SLC44A5: variants seen among roughly 807,000 people sequenced by gnomAD.
SLC44A5 encodes solute carrier family 44 member 5, also known as choline transporter-like protein 5.
Under a neutral mutation model 101.8 loss-of-function variants are expected in SLC44A5, and 57 were observed. The ratio of observed to expected loss-of-function variants is 0.56; its 90% confidence interval spans 0.45 to 0.70. The LOEUF is 0.70. SLC44A5 is among the 30% of genes least tolerant of loss of function. The pLI, the probability that SLC44A5 is intolerant of heterozygous loss-of-function variation, is 0.00. For synonymous variants in SLC44A5, 281 were observed against 290.9 expected (o/e 0.97, Z 0.35); for missense variants, 737 against 853.1 (o/e 0.86, Z 1.70).
intron 2 of SLC44A5, among the ~76,000 whole-genome samples, chr1:75,404,811 G>T (rs1662738424): frequency 6.6e-6 from 1 of 152,136 alleles, no homozygotes; most frequent in Non-Finnish European, 1.5e-5. Context: ...TAACTAGCTA[G>T]CATCAAAATG....
At chr1:75,564,221 GA>G (rs1236440925) in intron 1 of SLC44A5, among the ~76,000 whole-genome samples, 1 of 152,180 alleles carries the variant, frequency 6.6e-6, no homozygotes, top group Non-Finnish European at 1.5e-5. Context: ...TAAACCCAAA[GA>G]AGCAGTTTAC....
chr1:75,482,487 C>T (rs1667928876), intron 2 of SLC44A5, among the ~76,000 whole-genome samples: 1 of 151,900 alleles, frequency 6.6e-6, no homozygotes. Context: ...TACACATTGG[C>T]TATTTGTATT....
intron 3 of SLC44A5, among the ~76,000 whole-genome samples, chr1:75,376,225 G>C (rs1019810138): frequency 6.6e-6 from 1 of 152,226 alleles, no homozygotes; most frequent in Non-Finnish European, 1.5e-5. Context: ...ACAGCAGTCT[G>C]AGATCAAACT....
chr1:75,281,512 C>T (rs1652552054), intron 5 of SLC44A5, among the ~76,000 whole-genome samples: 2 of 151,946 alleles, frequency 1.3e-5, no homozygotes, highest in South Asian at 4.2e-4. Flanking sequence ...ATCAAGCAGC[C>T]AGATGTTAAC....
In SLC44A5 at chr1:75,587,910, A is replaced by ACT. The variant is rs796127911; in HGVS notation, c.-70+23128_-70+23129dup. 6.6e-3 allele frequency among the ~76,000 whole-genome samples: 987 copies of ACT among 150,562 alleles called. 11 individuals carry two copies. Among genetic ancestry groups the ACT allele is most frequent in the African/African-American group, 0.023 (937 of 41,046 alleles). ...GGCACTCGCAGGTTCCCCTGCTCTC[A>ACT]CTCTCTCTCTCTCTGTTTCCTTGCT... On this transcript the variant is annotated intron_variant, in intron 1 of 23. Coordinates refer to ENST00000370859, the MANE Select transcript of SLC44A5 (RefSeq NM_001130058.2).
intron 2 of SLC44A5, among the ~76,000 whole-genome samples, chr1:75,408,109 A>T (rs940644819): frequency 9.2e-5 from 14 of 152,228 alleles, no homozygotes; most frequent in African/African-American, 3.4e-4. Flanking sequence ...AACATATGAA[A>T]AAAAGCTCAT....
chr1:75,707,090 T>G, the SLC44A5 span, among the ~76,000 whole-genome samples: 1 of 152,216 alleles, frequency 6.6e-6, no homozygotes, highest in African/African-American at 2.4e-5. Context: ...AACAGAAAAT[T>G]GACCATATTT....
intron 3 of SLC44A5, among the ~76,000 whole-genome samples, chr1:75,385,667 C>T (rs1192314403): frequency 6.6e-6 from 1 of 152,108 alleles, no homozygotes; most frequent in Non-Finnish European, 1.5e-5. Flanking sequence ...GAAATTATTC[C>T]AATCAATAGA....
chr1:75,662,693 G>A, the SLC44A5 span, among the ~76,000 whole-genome samples: 11 of 151,892 alleles, frequency 7.2e-5, no homozygotes, highest in Admixed American at 2.0e-4. Context: ...ACCCATCCAG[G>A]GTTTTTGCCT....
chr1:75,690,868 C>T, the SLC44A5 span, among the ~76,000 whole-genome samples: 6 of 152,122 alleles, frequency 3.9e-5, no homozygotes, highest in South Asian at 2.1e-4. Flanking sequence ...TGGCTCATGC[C>T]AGTAATCCCA....
chr1:75,207,703 G>C (rs1479837071), intron 23 of SLC44A5, among the ~76,000 whole-genome samples: 2 of 152,086 alleles, frequency 1.3e-5, no homozygotes, highest in African/African-American at 4.8e-5. Context: ...CTATACAATA[G>C]TCCCCTCTTA....
intron 2 of SLC44A5, among the ~76,000 whole-genome samples, chr1:75,491,790 G>A (rs1175193278): frequency 6.6e-6 from 1 of 151,968 alleles, no homozygotes; most frequent in Non-Finnish European, 1.5e-5. Flanking sequence ...AGGATCTGCA[G>A]GAAAATATCA....
chr1:75,708,863 T>C, the SLC44A5 span, among the ~76,000 whole-genome samples: 1 of 152,232 alleles, frequency 6.6e-6, no homozygotes, highest in Non-Finnish European at 1.5e-5. Flanking sequence ...TTTATCTTAA[T>C]TTGTGGGGTT....
intron 2 of SLC44A5, among the ~76,000 whole-genome samples, chr1:75,529,781 C>T (rs537993772): frequency 9.2e-5 from 14 of 152,208 alleles, no homozygotes; most frequent in African/African-American, 2.6e-4. Context: ...GTACTAATCC[C>T]CTCTAGAAGT....
In SLC44A5 at chr1:75,490,444, C is replaced by G. The variant is rs75990067; in HGVS notation, c.13+50991G>C. Among the ~76,000 whole-genome samples the G allele has an allele frequency of 6.8e-4, 104 of 152,146 alleles. 1 individual carries two copies. The East Asian group carries it at 0.017, about 24-fold the overall frequency. ...GCTTTCCATAAAAAACACACTGGGACAATAGCTTTTTTAATTAATAAGGTT... is the reference window on the plus strand; with the variant it reads ...GCTTTCCATAAAAAACACACTGGGAGAATAGCTTTTTTAATTAATAAGGTT... On this transcript the variant is annotated intron_variant, in intron 2 of 23. Transcript: ENST00000370859.
At chr1:75,640,945 C>T in the SLC44A5 span, among the ~76,000 whole-genome samples, 1 of 151,992 alleles carries the variant, frequency 6.6e-6, no homozygotes, top group Non-Finnish European at 1.5e-5. Flanking sequence ...GAAATAGTCA[C>T]AAATGAGCCA....
intron 2 of SLC44A5, among the ~76,000 whole-genome samples, chr1:75,468,667 G>C (rs754798197): frequency 6.6e-6 from 1 of 152,126 alleles, no homozygotes. Context: ...GTTACCACAG[G>C]CTGGGAAAGG....
chr1:75,220,243 G>A (rs1263001854), intron 14 of SLC44A5, among the ~76,000 whole-genome samples: 3 of 151,966 alleles, frequency 2.0e-5, no homozygotes, highest in Non-Finnish European at 2.9e-5. Context: ...CACACTGAGG[G>A]AATTCCCCAC....
intron 5 of SLC44A5, among the ~76,000 whole-genome samples, chr1:75,299,856 A>G (rs1010018478): frequency 6.6e-6 from 1 of 151,638 alleles, no homozygotes; most frequent in Non-Finnish European, 1.5e-5. Context: ...TAAAAAAAAA[A>G]AATACAAAAA....
Sources: gnomAD v4.1 joint callset for allele counts (sites outside exome capture counted in the v4.1 genomes callset) on GRCh38, gnomAD v4.1.1 for gene constraint, MANE v1.5 for transcripts, NCBI Gene and HGNC (gene_info 2026-07-23, HGNC 2026-07-21) for gene names.